Variants in FAAH2 observed in about 807,000 individuals in gnomAD.
FAAH2 encodes fatty-acid amide hydrolase 2.
A neutral mutation model predicts 36.9 loss-of-function variants in FAAH2; 60 were observed. The ratio of observed to expected loss-of-function variants is 1.63; its 90% CI spans 1.32 to 2.02. The LOEUF (loss-of-function observed/expected upper bound fraction) is 2.02. FAAH2 is among the 30% of genes most tolerant of loss of function. FAAH2 has a pLI of 0.00. For missense variants in FAAH2, 689 were observed against 397.5 expected (o/e 1.73, Z -6.23); for synonymous variants, 214 against 143.8 (o/e 1.49, Z -3.49).
In FAAH2 at chrX:57,463,704, T is replaced by C. The variant is rs139549725; in HGVS notation, c.1423+14986T>C. Among the ~76,000 whole-genome samples the C allele has an allele frequency of 7.0e-4, 78 of 112,025 alleles. 1 individual carries two copies. In the East Asian group the frequency reaches 0.02, roughly 28 times the overall value. On this transcript the variant is annotated intron_variant, in intron 10 of 10. Coordinates refer to ENST00000374900, the MANE Select transcript of FAAH2 (RefSeq NM_174912.4). The stretch of plus-strand genomic sequence containing the variant: ...AATGCAAATCAAAACCACAATGAGA[T>C]ACCATCTCACCCCAGTTAGAATGGT...
Position 57,457,697 on chromosome X carries a change from C to T in FAAH2, c.1423+8979C>T, listed in dbSNP as rs1220044447. 4.2e-4 allele frequency among the ~76,000 whole-genome samples: 8 copies of T among 19,020 alleles called. No homozygotes were observed. The East Asian group carries it at 0.012, about 28-fold the overall frequency. 16.5% of individuals were successfully genotyped at this position (19,020 alleles called of 115,157 possible). On this transcript the variant is annotated intron_variant, in intron 10 of 10. Coordinates refer to ENST00000374900, the MANE Select transcript of FAAH2 (RefSeq NM_174912.4). ...AAGAACAGAATTCCATTTACAATAG[C>T]CACAAAAAAAAAAAAAAGGAATACC...
the FAAH2 span, among the ~76,000 whole-genome samples, chrX:57,158,981 A>G: frequency 8.9e-6 from 1 of 112,581 alleles, no homozygotes; most frequent in Non-Finnish European, 1.9e-5. Flanking sequence ...TTTTAGGTCT[A>G]ACATGTAAGT....
At chrX:57,292,076 T>A (rs949062199) in intron 1 of FAAH2, among the ~76,000 whole-genome samples, 2 of 111,310 alleles carry the variant, frequency 1.8e-5, no homozygotes, top group African/African-American at 3.3e-5. Context: ...CCCTTTTATG[T>A]CTCCACTCTC....
intron 4 of FAAH2, among the ~76,000 whole-genome samples, chrX:57,337,597 T>C (rs1293980023): frequency 8.9e-6 from 1 of 112,247 alleles, no homozygotes; most frequent in Non-Finnish European, 1.9e-5. Context: ...CAAGTTTGGC[T>C]GAACATATGC....
At chrX:57,289,951 T>C (rs764478405) in intron 1 of FAAH2, among the ~76,000 whole-genome samples, 4 of 110,997 alleles carry the variant, frequency 3.6e-5, no homozygotes, top group Non-Finnish European at 7.6e-5. Flanking sequence ...GTACCTAGTC[T>C]TCATTTCTCT....
At chrX:57,410,364 T>A (rs2055668597) in intron 7 of FAAH2, among the ~76,000 whole-genome samples, 2 of 111,447 alleles carry the variant, frequency 1.8e-5, no homozygotes, top group South Asian at 7.5e-4. Context: ...TTCTTTATAT[T>A]CCAGTTGGGT....
At chrX:57,201,959 T>A in the FAAH2 span, among the ~76,000 whole-genome samples, 3 of 112,074 alleles carry the variant, frequency 2.7e-5, no homozygotes, top group African/African-American at 9.7e-5. Flanking sequence ...TGATTGCATT[T>A]TTCACCTCCA....
At chrX:57,438,952 T>A (rs1264409510) in intron 8 of FAAH2, among the ~76,000 whole-genome samples, 2 of 110,815 alleles carry the variant, frequency 1.8e-5, no homozygotes, top group Non-Finnish European at 3.8e-5. Flanking sequence ...TATGGCTGCA[T>A]AGTATTCCAT....
intron 3 of FAAH2, among the ~76,000 whole-genome samples, chrX:57,315,031 T>C (rs5960260): frequency 0.2 from 22,440 of 110,171 alleles, 2,275 homozygotes; most frequent in Non-Finnish European, 0.3. Context: ...GCTACCTAGA[T>C]TAAAAAAGAA....
At chrX:57,224,128 C>T in the FAAH2 span, among the ~76,000 whole-genome samples, 1 of 111,401 alleles carries the variant, frequency 9.0e-6, no homozygotes, top group African/African-American at 3.3e-5. Context: ...GACTCTGAGC[C>T]ACTCAGATAT....
At chrX:57,136,531 C>T in the FAAH2 span, 1 of 438,774 alleles carries the variant, frequency 2.3e-6, no homozygotes, top group Non-Finnish European at 3.6e-6. Context: ...TTTGCAGACC[C>T]AGTGGCCCGT....
intron 7 of FAAH2, among the ~76,000 whole-genome samples, chrX:57,406,936 A>T (rs1027882596): frequency 6.6e-4 from 74 of 112,703 alleles, no homozygotes; most frequent in African/African-American, 2.3e-3. Flanking sequence ...GTGGCAATAG[A>T]TGGGGTGGCA....
chrX:57,125,020 G>C, the FAAH2 span, among the ~76,000 whole-genome samples: 2 of 112,162 alleles, frequency 1.8e-5, no homozygotes, highest in African/African-American at 6.5e-5. Context: ...TGATTGCCCT[G>C]GCCAGAACTT....
chrX:57,177,620 A>C, the FAAH2 span, among the ~76,000 whole-genome samples: 1 of 75,476 alleles, frequency 1.3e-5, no homozygotes, highest in Admixed American at 1.5e-4. Flanking sequence ...ATATACCTCC[A>C]ATAAATGAAA....
chrX:57,196,284 G>A, the FAAH2 span, among the ~76,000 whole-genome samples: 3 of 111,712 alleles, frequency 2.7e-5, no homozygotes, highest in African/African-American at 9.7e-5. Flanking sequence ...TACCTCCTTG[G>A]TTAGGTATAT....
intron 7 of FAAH2, among the ~76,000 whole-genome samples, chrX:57,400,796 C>T (rs1461505668): frequency 8.9e-6 from 1 of 112,248 alleles, no homozygotes; most frequent in Non-Finnish European, 1.9e-5. Context: ...GGTTTGGAAA[C>T]CTTGTAGCCA....
the FAAH2 span, among the ~76,000 whole-genome samples, chrX:57,140,970 A>G: frequency 8.9e-6 from 1 of 111,770 alleles, no homozygotes; most frequent in African/African-American, 3.3e-5. Context: ...ACCCCATGAA[A>G]CTAATTTTTT....
intron 1 of FAAH2, among the ~76,000 whole-genome samples, chrX:57,288,601 C>A (rs1350125605): frequency 4.6e-5 from 5 of 109,696 alleles, no homozygotes; most frequent in Non-Finnish European, 7.6e-5. Context: ...CCACCCACCT[C>A]GGCCTCCCAA....
the FAAH2 span, among the ~76,000 whole-genome samples, chrX:57,124,341 C>T: frequency 9.0e-6 from 1 of 111,345 alleles, no homozygotes; most frequent in East Asian, 2.8e-4. Context: ...TCTGAGGGCT[C>T]TGTTCTGTTC....
Sources: allele counts gnomAD v4.1 joint callset (sites outside exome capture counted in the v4.1 genomes callset), GRCh38; gene constraint gnomAD v4.1.1; transcripts MANE v1.5; gene names NCBI Gene and HGNC (gene_info 2026-07-23, HGNC 2026-07-21).